DHRSX: variants seen among roughly 807,000 people sequenced by gnomAD.
DHRSX encodes polyprenol dehydrogenase.
A neutral mutation model predicts 34.0 loss-of-function variants in DHRSX; 31 were observed. The ratio of observed to expected loss-of-function variants is 0.91; its 90% confidence interval spans 0.69 to 1.23. The LOEUF (loss-of-function observed/expected upper bound fraction) is 1.23. Among genes scored for constraint, DHRSX ranks in the 50% most tolerant of loss-of-function variants. DHRSX has a pLI of 0.00. For synonymous variants in DHRSX, 201 were observed against 183.8 expected, an observed-to-expected ratio of 1.09 and a Z score of -0.76; for missense variants, 414 against 428.1, an observed-to-expected ratio of 0.97 and a Z score of 0.29.
intron 5 of DHRSX, among the ~76,000 whole-genome samples, chrX:2,253,110 C>G (rs2016470723): frequency 6.6e-6 from 1 of 152,232 alleles, no homozygotes; most frequent in Admixed American, 6.5e-5. Context: ...ATCATTTGAG[C>G]CTGGGAGGCG....
chrX:2,377,707 G>A (rs1025375854), intron 3 of DHRSX, among the ~76,000 whole-genome samples: 71 of 151,808 alleles, frequency 4.7e-4, no homozygotes, highest in Non-Finnish European at 6.8e-4. Context: ...ACTCCAGAAT[G>A]AAATGCATTT....
At chrX:2,403,595 C>T (rs959832593) in intron 3 of DHRSX, among the ~76,000 whole-genome samples, 217 of 152,136 alleles carry the variant, frequency 1.4e-3, no homozygotes, top group Non-Finnish European at 2.1e-3. Context: ...GTGGCTCACG[C>T]CTGTAATCCC....
At chrX:2,232,229 A>G (rs2015911783) in intron 6 of DHRSX, among the ~76,000 whole-genome samples, 1 of 151,774 alleles carries the variant, frequency 6.6e-6, no homozygotes, top group Admixed American at 6.6e-5. Context: ...CCTTCACACT[A>G]CACCCTTCTG....
intron 6 of DHRSX, among the ~76,000 whole-genome samples, chrX:2,224,881 G>A (rs184749541): frequency 4.4e-4 from 60 of 135,384 alleles, no homozygotes; most frequent in Middle Eastern, 4.3e-3. Flanking sequence ...CAGCTCACAC[G>A]CACACATGCT....
rs186310538 is a variant in DHRSX at position 2,237,904 on chromosome X, A to T, written c.804+5119T>A. Among the ~76,000 whole-genome samples the T allele has an allele frequency of 1.7e-3, 265 of 152,110 alleles. 1 individual carries two copies. Among genetic ancestry groups the T allele is most frequent in the African/African-American group, 6.0e-3 (251 of 41,516 alleles). On this transcript the variant is annotated intron_variant, in intron 6 of 6. Transcript: ENST00000334651. ...GCTCCCTAGGAGGGGTATACATTGT[A>T]GGGGGTACTGAGTTTCACTGATGAA...
At chrX:2,450,339 G>C (rs1454856383) in intron 1 of DHRSX, among the ~76,000 whole-genome samples, 1 of 151,978 alleles carries the variant, frequency 6.6e-6, no homozygotes, top group African/African-American at 2.4e-5. Flanking sequence ...ATAAAATTTA[G>C]TAATCCAAAC....
intron 3 of DHRSX, among the ~76,000 whole-genome samples, chrX:2,325,298 A>T (rs984747908): frequency 6.6e-6 from 1 of 151,946 alleles, no homozygotes; most frequent in Non-Finnish European, 1.5e-5. Context: ...GGAACTAGGG[A>T]CTAGACACGT....
At chrX:2,299,687 TCTACTA>T (rs2041988291) in intron 3 of DHRSX, among the ~76,000 whole-genome samples, 1 of 151,894 alleles carries the variant, frequency 6.6e-6, no homozygotes. Context: ...AAATCCGGTC[TCTACTA>T]AAAATACAAA....
At chrX:2,424,309 G>A (rs748659289) in intron 2 of DHRSX, among the ~76,000 whole-genome samples, 3 of 151,844 alleles carry the variant, frequency 2.0e-5, no homozygotes, top group Admixed American at 6.6e-5. Flanking sequence ...TGGTAATTCT[G>A]TTATAGCGCC....
chrX:2,437,692 AGAGAGAGTGTGTGTGTGTGT>A lies in DHRSX; in HGVS notation c.110-12408_110-12389del, dbSNP rs1411907390. ...GAGACAGAGAGAGAGAGAGAGAGAG[AGAGAGAGTGTGTGTGTGTGT>A]GTGTGTGTGTGTGTGTGTGTGTCAC... On this transcript the variant is annotated intron_variant, in intron 1 of 6. Transcript: ENST00000334651. Among the ~76,000 whole-genome samples, 248 of 79,678 alleles carry A rather than the reference AGAGAGAGTGTGTGTGTGTGT, an allele frequency of 3.1e-3. 1 individual carries two copies. The highest frequency in any genetic ancestry group is 8.9e-3 in the African/African-American group (216 of 24,312). 52.3% of individuals were successfully genotyped at this position (79,678 alleles called of 152,430 possible). A position where few individuals can be genotyped will look rare whatever the true frequency, so the allele number is the denominator to read the frequency against.
At chrX:2,258,278 G>A (rs1471598919) in intron 5 of DHRSX, among the ~76,000 whole-genome samples, 2 of 151,940 alleles carry the variant, frequency 1.3e-5, no homozygotes, top group African/African-American at 2.4e-5. Flanking sequence ...CACACACAAA[G>A]GGACGACCCT....
At chrX:2,475,407 C>T (rs1325556353) in intron 1 of DHRSX, among the ~76,000 whole-genome samples, 1 of 151,502 alleles carries the variant, frequency 6.6e-6, no homozygotes, top group African/African-American at 2.4e-5. Flanking sequence ...CAAGGGACCG[C>T]CACCATGTAC....
intron 1 of DHRSX, among the ~76,000 whole-genome samples, chrX:2,485,861 G>C (rs1240415561): frequency 1.5e-5 from 2 of 135,268 alleles, no homozygotes; most frequent in Non-Finnish European, 3.2e-5. Flanking sequence ...AAAGAAAGAA[G>C]GGAAGGGAGG....
chrX:2,436,461 A>ATATTATTAT (rs1236612938), intron 1 of DHRSX, among the ~76,000 whole-genome samples: 7,130 of 128,976 alleles, frequency 0.055, 232 homozygotes, highest in Non-Finnish European at 0.076. Context: ...TTGCAGCAAC[A>ATATTATTAT]TATTATTATT....
intron 5 of DHRSX, among the ~76,000 whole-genome samples, chrX:2,265,465 C>T (rs1374930749): frequency 8.2e-5 from 10 of 121,988 alleles, no homozygotes; most frequent in South Asian, 3.0e-4. Flanking sequence ...AGCACTGTCC[C>T]CAGAGCACCA....
intron 5 of DHRSX, among the ~76,000 whole-genome samples, chrX:2,253,208 G>A (rs2016475012): frequency 6.6e-6 from 1 of 151,578 alleles, no homozygotes; most frequent in African/African-American, 2.4e-5. Flanking sequence ...GCACGGCCTG[G>A]GAGGCGGACA....
At position 2,471,291 on chromosome X, in the gene DHRSX, C is replaced by T. The variant is rs139684899; in HGVS notation, c.109+29526G>A. On this transcript the variant is annotated intron_variant, in intron 1 of 6. Coordinates refer to ENST00000334651, the MANE Select transcript of DHRSX (RefSeq NM_145177.3). ...GTGCTCAAGGTGTATCCACACTGGG[C>T]TGGGCGCGGTCACGCCTGTCATCCC... is the stretch of plus-strand genomic sequence containing the variant. Among the ~76,000 whole-genome samples the T allele has an allele frequency of 3.0e-3, 464 of 152,292 alleles. 9 individuals are homozygous for T. Among genetic ancestry groups the T allele is most frequent in the African/African-American group, 9.8e-3 (406 of 41,556 alleles).
intron 6 of DHRSX, among the ~76,000 whole-genome samples, chrX:2,239,196 T>C (rs2016083848): frequency 6.6e-6 from 1 of 152,146 alleles, no homozygotes; most frequent in Non-Finnish European, 1.5e-5. Flanking sequence ...GAATGATTCA[T>C]GTGGCTAAAG....
At chrX:2,331,060 C>A (rs2042466427) in intron 3 of DHRSX, among the ~76,000 whole-genome samples, 1 of 152,272 alleles carries the variant, frequency 6.6e-6, no homozygotes, top group South Asian at 2.1e-4. Flanking sequence ...CAGACTCCCA[C>A]ACTTGGTAGT....
Sources: gnomAD v4.1 joint callset for allele counts (sites outside exome capture counted in the v4.1 genomes callset) on GRCh38, gnomAD v4.1.1 for gene constraint, MANE v1.5 for transcripts, NCBI Gene and HGNC (gene_info 2026-07-23, HGNC 2026-07-21) for gene names.